Variants in NELL1 observed in about 807,000 individuals in gnomAD.
NELL1 encodes protein kinase C-binding protein NELL1.
Under a neutral mutation model 107.4 loss-of-function variants are expected in NELL1, and 76 were observed. That is an observed-to-expected ratio of 0.71 (90% confidence interval 0.59 to 0.86). The LOEUF (loss-of-function observed/expected upper bound fraction) is 0.86, where lower values mean the gene tolerates loss of function less well. Ranked by LOEUF, NELL1 falls within the 40% of genes least tolerant of loss-of-function variation. NELL1 has a pLI of 0.00. For synonymous variants in NELL1, 353 were observed against 341.2 expected (o/e 1.03, Z -0.38); for missense variants, 1,024 against 1,005.5 (o/e 1.02, Z -0.25).
intron 15 of NELL1, among the ~76,000 whole-genome samples, chr11:21,501,257 A>G (rs1287667293): frequency 6.6e-6 from 1 of 152,128 alleles, no homozygotes; most frequent in Non-Finnish European, 1.5e-5. Flanking sequence ...TTTCTGAACA[A>G]GTAACAGATA....
intron 13 of NELL1, among the ~76,000 whole-genome samples, chr11:21,181,406 G>A (rs1489050429): frequency 6.6e-6 from 1 of 151,710 alleles, no homozygotes; most frequent in Non-Finnish European, 1.5e-5. Context: ...AGAAAAAAAA[G>A]CTGCTGTTTA....
intron 14 of NELL1, among the ~76,000 whole-genome samples, chr11:21,255,972 C>T (rs2133916394): frequency 6.6e-6 from 1 of 152,118 alleles, no homozygotes; most frequent in East Asian, 1.9e-4. Flanking sequence ...TTTCTCCTCC[C>T]ATTGCAGACA....
intron 14 of NELL1, among the ~76,000 whole-genome samples, chr11:21,231,195 G>T (rs1858040515): frequency 6.6e-6 from 1 of 151,872 alleles, no homozygotes; most frequent in African/African-American, 2.4e-5. Flanking sequence ...GAACAATATA[G>T]TATCATCAAA....
At chr11:20,703,832 C>G (rs1854864473) in intron 2 of NELL1, among the ~76,000 whole-genome samples, 1 of 152,162 alleles carries the variant, frequency 6.6e-6, no homozygotes, top group African/African-American at 2.4e-5. Context: ...GTTTCTAAAT[C>G]CTGAGTTCTA....
chr11:20,976,326 A>T (rs1851634913), intron 12 of NELL1, among the ~76,000 whole-genome samples: 1 of 151,938 alleles, frequency 6.6e-6, no homozygotes, highest in Non-Finnish European at 1.5e-5. Flanking sequence ...ACGTGTAGTA[A>T]TTGGCCAAAA....
At chr11:20,691,394 C>T (rs1359653584) in intron 2 of NELL1, among the ~76,000 whole-genome samples, 1 of 151,320 alleles carries the variant, frequency 6.6e-6, no homozygotes, top group East Asian at 1.9e-4. Flanking sequence ...AGTTTTTGCC[C>T]ATTCAGTATG....
intron 3 of NELL1, among the ~76,000 whole-genome samples, chr11:20,834,735 AC>A (rs1179923325): frequency 2.0e-5 from 3 of 151,600 alleles, no homozygotes; most frequent in Non-Finnish European, 4.4e-5. Flanking sequence ...AAAAAAACCC[AC>A]CCTAACTTAT....
chr11:21,043,637 T>C (rs991330795), intron 12 of NELL1, among the ~76,000 whole-genome samples: 1 of 152,164 alleles, frequency 6.6e-6, no homozygotes, highest in African/African-American at 2.4e-5. Context: ...TTTTGGTGAA[T>C]CTATTGGAGG....
At chr11:21,232,346 A>AG (rs200266467) in intron 14 of NELL1, among the ~76,000 whole-genome samples, 2 of 147,982 alleles carry the variant, frequency 1.4e-5, no homozygotes, top group African/African-American at 5.0e-5. Flanking sequence ...AAAAAAAAAA[A>AG]TTGATTAGTA....
chr11:20,765,017 G>C (rs1036761008), intron 2 of NELL1, among the ~76,000 whole-genome samples: 1 of 152,066 alleles, frequency 6.6e-6, no homozygotes, highest in Non-Finnish European at 1.5e-5. Flanking sequence ...AATTAGCCAG[G>C]CAGGATGACA....
chr11:21,032,496 C>G (rs1251152290), intron 12 of NELL1, among the ~76,000 whole-genome samples: 1 of 152,170 alleles, frequency 6.6e-6, no homozygotes, highest in African/African-American at 2.4e-5. Context: ...TCAACTGATT[C>G]TCTTGCCTCA....
intron 12 of NELL1, among the ~76,000 whole-genome samples, chr11:20,975,805 ATACATATTATATATGTATTATATATG>A (rs1564995354): frequency 1.0e-4 from 13 of 126,014 alleles, no homozygotes; most frequent in African/African-American, 2.5e-4. Context: ...ATTATATGAT[ATACATATTATATATGTATTATATATG>A]TACATATGTG....
At chr11:20,852,811 A>C (rs1731734885) in intron 4 of NELL1, among the ~76,000 whole-genome samples, 1 of 152,226 alleles carries the variant, frequency 6.6e-6, no homozygotes, top group Admixed American at 6.5e-5. Flanking sequence ...CAAACTAACA[A>C]AGCAGCTTCA....
chr11:20,933,068 G>A (rs1440815073), intron 9 of NELL1, among the ~76,000 whole-genome samples: 4 of 152,210 alleles, frequency 2.6e-5, no homozygotes, highest in African/African-American at 9.7e-5. Context: ...GTTGGTTTTG[G>A]TACTGCAATC....
At chr11:21,190,243 T>C (rs1404791811) in intron 13 of NELL1, among the ~76,000 whole-genome samples, 1 of 151,752 alleles carries the variant, frequency 6.6e-6, no homozygotes, top group African/African-American at 2.4e-5. Flanking sequence ...TCCCAGCTAC[T>C]CTGGAGGCTG....
intron 15 of NELL1, among the ~76,000 whole-genome samples, chr11:21,420,010 T>A (rs559487894): frequency 3.3e-5 from 5 of 152,226 alleles, no homozygotes; most frequent in African/African-American, 1.2e-4. Flanking sequence ...TGTTCCCATA[T>A]TACACTTGCC....
At chr11:21,009,806 C>A (rs1281835734) in intron 12 of NELL1, among the ~76,000 whole-genome samples, 1 of 152,042 alleles carries the variant, frequency 6.6e-6, no homozygotes, top group Non-Finnish European at 1.5e-5. Context: ...TGGTCAGAAG[C>A]TTCCTTAACG....
intron 15 of NELL1, among the ~76,000 whole-genome samples, chr11:21,445,930 A>G (rs1853414709): frequency 6.6e-6 from 1 of 151,074 alleles, no homozygotes; most frequent in South Asian, 2.1e-4. Flanking sequence ...TTGAATAAAC[A>G]TTCTACCCCT....
chr11:21,101,250 A>T (rs1854802672), intron 12 of NELL1, among the ~76,000 whole-genome samples: 2 of 152,258 alleles, frequency 1.3e-5, no homozygotes, highest in South Asian at 2.1e-4. Flanking sequence ...GTTGGACATA[A>T]GGGTTGGTTC....
Sources: gnomAD v4.1 joint callset for allele counts (sites outside exome capture counted in the v4.1 genomes callset) on GRCh38, gnomAD v4.1.1 for gene constraint, MANE v1.5 for transcripts, NCBI Gene and HGNC (gene_info 2026-07-23, HGNC 2026-07-21) for gene names.